KIAA1217: variants seen among roughly 807,000 people sequenced by gnomAD.
The protein encoded by KIAA1217 is sickle tail protein homolog.
Under a neutral mutation model 163.9 loss-of-function variants are expected in KIAA1217, and 88 were observed. The observed-to-expected ratio is 0.54, with a 90% CI of 0.45 to 0.64. The LOEUF is 0.64. Ranked by LOEUF, KIAA1217 falls within the 30% of genes least tolerant of loss-of-function variation. The probability of loss-of-function intolerance (pLI) is 0.00; values close to 1 mark genes in which losing one functional copy is unlikely to be tolerated. For synonymous variants in KIAA1217, 903 were observed against 923.1 expected, an observed-to-expected ratio of 0.98 and a Z score of 0.39; for missense variants, 2,372 against 2,475.0, an observed-to-expected ratio of 0.96 and a Z score of 0.88.
chr10:24,220,274 C>T (rs1041131863), intron 2 of KIAA1217, among the ~76,000 whole-genome samples: 2 of 152,164 alleles, frequency 1.3e-5, no homozygotes, highest in African/African-American at 4.8e-5. Flanking sequence ...GCACCAACTA[C>T]CGTGTACCCT....
intron 2 of KIAA1217, among the ~76,000 whole-genome samples, chr10:24,356,298 C>G (rs1159884171): frequency 2.6e-5 from 4 of 152,176 alleles, no homozygotes; most frequent in Non-Finnish European, 5.9e-5. Flanking sequence ...CAGTACAAAG[C>G]CTGATGCTGG....
In KIAA1217 at chr10:23,708,752, G is replaced by A. The variant is rs114277422; in HGVS notation, c.-321+13518G>A. ...ATTTATTCTAAGGATGGTATGAGGC[G>A]TTTTAAAGGGGGACTAATGCAAAAA... On this transcript the variant is annotated intron_variant, in intron 1 of 18. Coordinates refer to the KIAA1217 transcript ENST00000376462. 3.1e-3 allele frequency among the ~76,000 whole-genome samples: 470 copies of A among 152,270 alleles called. 2 individuals are homozygous for A. Among genetic ancestry groups the A allele is most frequent in the African/African-American group, 0.01 (417 of 41,556 alleles).
At chr10:23,697,962 T>G (rs1836161149) in intron 1 of KIAA1217, among the ~76,000 whole-genome samples, 1 of 152,212 alleles carries the variant, frequency 6.6e-6, no homozygotes. Flanking sequence ...ACTCAGTAAT[T>G]TGAGTCAAGA....
At chr10:24,225,111 C>T (rs1400652019) in intron 2 of KIAA1217, among the ~76,000 whole-genome samples, 2 of 152,124 alleles carry the variant, frequency 1.3e-5, no homozygotes, top group Admixed American at 1.3e-4. Context: ...AGGCGTGAGC[C>T]ACCATGCCTG....
intron 2 of KIAA1217, among the ~76,000 whole-genome samples, chr10:24,145,609 A>C (rs1053351395): frequency 6.6e-6 from 1 of 152,234 alleles, no homozygotes; most frequent in Non-Finnish European, 1.5e-5. Flanking sequence ...CACAAGGTGA[A>C]GTCCCATAAC....
chr10:24,128,613 G>T (rs1377481283), intron 2 of KIAA1217, among the ~76,000 whole-genome samples: 1 of 152,088 alleles, frequency 6.6e-6, no homozygotes, highest in Admixed American at 6.6e-5. Context: ...GGGGCTTCCG[G>T]GCCTCTACAT....
intron 1 of KIAA1217, among the ~76,000 whole-genome samples, chr10:23,940,498 AAG>A (rs1843723891): frequency 6.6e-6 from 1 of 151,700 alleles, no homozygotes; most frequent in Admixed American, 6.6e-5. Flanking sequence ...AAAAGAAAAA[AAG>A]AAATTTCAGC....
intron 1 of KIAA1217, among the ~76,000 whole-genome samples, chr10:23,719,676 T>C (rs1035746023): frequency 6.6e-6 from 1 of 152,106 alleles, no homozygotes; most frequent in Non-Finnish European, 1.5e-5. Flanking sequence ...CCCAGCACTT[T>C]GGGAGGCCAA....
At chr10:23,855,318 T>C (rs1350654731) in intron 1 of KIAA1217, among the ~76,000 whole-genome samples, 1 of 152,208 alleles carries the variant, frequency 6.6e-6, no homozygotes, top group Non-Finnish European at 1.5e-5. Flanking sequence ...AAAATTCTTT[T>C]CTTTAAGAAT....
intron 2 of KIAA1217, among the ~76,000 whole-genome samples, chr10:24,060,408 A>G (rs571634788): frequency 6.6e-6 from 1 of 152,216 alleles, no homozygotes; most frequent in South Asian, 2.1e-4. Flanking sequence ...CATGTAGTTT[A>G]ATTTCTACAT....
At position 24,165,727 on chromosome 10, in the gene KIAA1217, A is replaced by G. The variant is rs375983503; in HGVS notation, c.-170-53899A>G. ...TTAAGGAACAGGAAAATGGTATTTG[A>G]CAGGGCATGGTTGAAGGCCATAACT... On this transcript the variant is annotated intron_variant, in intron 2 of 18. Transcript: ENST00000376462. Among the ~76,000 whole-genome samples, 74 of 152,326 alleles carry G rather than the reference A, an allele frequency of 4.9e-4. 1 individual carries two copies. The highest frequency in any genetic ancestry group is 1.8e-3 in the African/African-American group (73 of 41,586).
chr10:24,475,990 C>G (rs996737487), intron 6 of KIAA1217, among the ~76,000 whole-genome samples: 3 of 152,154 alleles, frequency 2.0e-5, no homozygotes, highest in Non-Finnish European at 4.4e-5. Flanking sequence ...AGCCAGAATC[C>G]TACCTCCCAC....
chr10:24,496,917 G>A (rs1300075398), intron 8 of KIAA1217, among the ~76,000 whole-genome samples: 2 of 152,222 alleles, frequency 1.3e-5, no homozygotes, highest in Non-Finnish European at 2.9e-5. Flanking sequence ...GGACAGTTCA[G>A]TGCCACTGGT....
intron 1 of KIAA1217, among the ~76,000 whole-genome samples, chr10:23,704,142 GTGTA>G (rs1377060570): frequency 3.4e-5 from 3 of 87,604 alleles, no homozygotes; most frequent in African/African-American, 2.3e-4. Flanking sequence ...GTATGTGTGT[GTGTA>G]TGTGTGTGTG....
At chr10:24,148,556 G>A (rs953574861) in intron 2 of KIAA1217, among the ~76,000 whole-genome samples, 4 of 152,076 alleles carry the variant, frequency 2.6e-5, no homozygotes, top group African/African-American at 7.2e-5. Flanking sequence ...GTAAGTTCCC[G>A]CAAGAGTTGG....
intron 2 of KIAA1217, among the ~76,000 whole-genome samples, chr10:24,273,540 T>C (rs764377060): frequency 7.2e-5 from 11 of 152,232 alleles, no homozygotes; most frequent in Non-Finnish European, 1.5e-4. Flanking sequence ...CTGGCCCACG[T>C]CACATCTTTA....
intron 4 of KIAA1217, among the ~76,000 whole-genome samples, chr10:24,437,826 T>C (rs1006510953): frequency 3.4e-5 from 5 of 146,618 alleles, no homozygotes; most frequent in Non-Finnish European, 7.4e-5. Context: ...GTAAAGATAT[T>C]AGATCTTTTT....
chr10:23,826,212 A>C (rs1414444), intron 1 of KIAA1217, among the ~76,000 whole-genome samples: 45,239 of 152,002 alleles, frequency 0.3, 7,694 homozygotes, highest in African/African-American at 0.45. Flanking sequence ...GTAAGTAGTT[A>C]ATATGATTAT....
At chr10:23,703,680 CAAT>C (rs1374488556) in intron 1 of KIAA1217, among the ~76,000 whole-genome samples, 4 of 152,026 alleles carry the variant, frequency 2.6e-5, no homozygotes, top group Admixed American at 2.0e-4. Flanking sequence ...TCACGGCTAA[CAAT>C]GATGTAAAAG....
Sources: allele counts gnomAD v4.1 joint callset (sites outside exome capture counted in the v4.1 genomes callset), GRCh38; gene constraint gnomAD v4.1.1; transcripts MANE v1.5; gene names NCBI Gene and HGNC (gene_info 2026-07-23, HGNC 2026-07-21).